The following JAK1 variants were observed in gnomAD, a reference collection of about 807,000 sequenced individuals.
The protein encoded by JAK1 is tyrosine-protein kinase JAK1.
Under a neutral mutation model 136.6 loss-of-function variants are expected in JAK1, and 16 were observed. The observed-to-expected ratio is 0.12, with a 90% CI of 0.08 to 0.18. The LOEUF (loss-of-function observed/expected upper bound fraction) is 0.18. JAK1 is among the 10% of genes least tolerant of loss of function. The pLI, the probability that JAK1 is intolerant of heterozygous loss-of-function variation, is 1.00. For missense variants in JAK1, 859 were observed against 1,450.1 expected, an observed-to-expected ratio of 0.59 and a Z score of 6.62; for synonymous variants, 492 against 519.5, an observed-to-expected ratio of 0.95 and a Z score of 0.72.
intron 1 of JAK1, among the ~76,000 whole-genome samples, chr1:65,062,416 T>C (rs1355705915): frequency 6.6e-6 from 1 of 152,206 alleles, no homozygotes; most frequent in African/African-American, 2.4e-5. Flanking sequence ...TAATCTATGA[T>C]TGCCTTATTA....
chr1:65,017,688 C>G (rs985321172), intron 2 of JAK1, among the ~76,000 whole-genome samples: 4 of 152,062 alleles, frequency 2.6e-5, no homozygotes, highest in African/African-American at 9.7e-5. Flanking sequence ...CTAAAGTGAT[C>G]TAACTATAAA....
At chr1:65,025,852 T>C (rs1208385729) in intron 2 of JAK1, among the ~76,000 whole-genome samples, 1 of 152,044 alleles carries the variant, frequency 6.6e-6, no homozygotes, top group Non-Finnish European at 1.5e-5. Context: ...TAATTTTTTA[T>C]ATTTTTTGTA....
At chr1:65,002,974 G>A (rs1255600401) in intron 2 of JAK1, among the ~76,000 whole-genome samples, 1 of 151,788 alleles carries the variant, frequency 6.6e-6, no homozygotes, top group Non-Finnish European at 1.5e-5. Context: ...GGGCTGTCCG[G>A]CCGCGCCGTC....
At chr1:64,982,510 G>A (rs1336862064) in intron 2 of JAK1, among the ~76,000 whole-genome samples, 1 of 152,154 alleles carries the variant, frequency 6.6e-6, no homozygotes, top group Non-Finnish European at 1.5e-5. Context: ...CAGGTAGGAG[G>A]TAAAAGGGTT....
rs566169611 is a variant in JAK1 at position 64,905,240 on chromosome 1, G to A, written c.-77-18899C>T. On this transcript the variant is annotated intron_variant, in intron 1 of 24. Transcript: ENST00000342505. ...GGAAACCCTGCCTCATCTCCAGTGC[G>A]AGGACGGTGACAGAGAAGGGGCAGA... 3.3e-5 allele frequency among the ~76,000 whole-genome samples: 5 copies of A among 152,268 alleles called. No individual in the cohort carries two copies. In the East Asian group the frequency reaches 5.8e-4, roughly 18 times the overall value.
intron 1 of JAK1, among the ~76,000 whole-genome samples, chr1:64,930,327 C>T (rs1055394101): frequency 6.6e-6 from 1 of 152,194 alleles, no homozygotes; most frequent in African/African-American, 2.4e-5. Context: ...CCCCATCAAA[C>T]AGCGGGCAAA....
chr1:64,871,286 T>C (rs1657058135), intron 5 of JAK1, among the ~76,000 whole-genome samples: 1 of 152,188 alleles, frequency 6.6e-6, no homozygotes, highest in East Asian at 1.9e-4. Flanking sequence ...GATATACTGA[T>C]ACGTGTGTGA....
intron 2 of JAK1, among the ~76,000 whole-genome samples, chr1:64,994,172 C>A (rs567826696): frequency 5.9e-5 from 9 of 152,356 alleles, no homozygotes; most frequent in African/African-American, 2.2e-4. Flanking sequence ...AACTCTTGGG[C>A]TCAAGTAATC....
chr1:64,970,564 T>C (rs1646442425), upstream of JAK1, among the ~76,000 whole-genome samples: 1 of 152,044 alleles, frequency 6.6e-6, no homozygotes, highest in African/African-American at 2.4e-5. Context: ...AAGACAAGCC[T>C]GGCCAACATG....
intron 11 of JAK1, 130 bp from the exon 12 acceptor site, chr1:64,851,040 T>C: frequency 1.5e-6 from 1 of 671,296 alleles, no homozygotes; most frequent in South Asian, 1.7e-5. Flanking sequence ...CGACAAGTGC[T>C]TATTCAATAG....
At chr1:64,974,227 G>C (rs1646478934) in intron 2 of JAK1, 1 of 152,132 alleles carries the variant, frequency 6.6e-6, no homozygotes. Flanking sequence ...CCCAACTTCT[G>C]TAGAACATCA....
chr1:65,022,703 A>G (rs1275312929), intron 2 of JAK1, among the ~76,000 whole-genome samples: 1 of 152,214 alleles, frequency 6.6e-6, no homozygotes, highest in Non-Finnish European at 1.5e-5. Flanking sequence ...TAACATAGTC[A>G]ATAGTGGGTT....
At chr1:64,968,294 GA>G (rs879499140), upstream of JAK1, among the ~76,000 whole-genome samples, 22 of 148,194 alleles carry the variant, frequency 1.5e-4, no homozygotes, top group African/African-American at 3.7e-4. Flanking sequence ...AAGATTCAGA[GA>G]AAAAAAAAAT....
intron 3 of JAK1, among the ~76,000 whole-genome samples, 198 bp from the exon 4 acceptor site, chr1:64,879,346 C>T (rs1045459940): frequency 6.6e-6 from 1 of 152,100 alleles, no homozygotes; most frequent in Non-Finnish European, 1.5e-5. Flanking sequence ...AACTATGACT[C>T]CCCAGAAATA....
chr1:64,834,727 C>A, intron 24 of JAK1, 70 bp from the exon 25 acceptor site: 1 of 981,270 alleles, frequency 1.0e-6, no homozygotes, highest in Admixed American at 2.1e-5. Flanking sequence ...ACAGAAATAT[C>A]AAGAGTAAGA....
intron 1 of JAK1, among the ~76,000 whole-genome samples, chr1:65,052,323 G>A (rs924236098): frequency 2.0e-5 from 3 of 151,942 alleles, no homozygotes; most frequent in Admixed American, 6.6e-5. Context: ...AATACAAAAT[G>A]GACTTTTGGT....
intron 4 of JAK1, among the ~76,000 whole-genome samples, chr1:64,878,471 T>G (rs890747072): frequency 6.6e-6 from 1 of 151,306 alleles, no homozygotes; most frequent in Non-Finnish European, 1.5e-5. Context: ...GAATTTCTAG[T>G]TAACACTTCA....
At chr1:64,835,975 A>G in intron 23 of JAK1, 123 bp downstream of exon 23, 1 of 665,942 alleles carries the variant, frequency 1.5e-6, no homozygotes, top group Non-Finnish European at 2.7e-6. Context: ...TTAATGGGAA[A>G]GTGACATTTT....
intron 2 of JAK1, among the ~76,000 whole-genome samples, chr1:65,013,240 A>G (rs1203899506): frequency 6.6e-6 from 1 of 151,462 alleles, no homozygotes; most frequent in Non-Finnish European, 1.5e-5. Flanking sequence ...TACTAAAAAT[A>G]TAAAAAATTA....
Sources: gnomAD v4.1 joint callset for allele counts (sites outside exome capture counted in the v4.1 genomes callset) on GRCh38, gnomAD v4.1.1 for gene constraint, MANE v1.5 for transcripts, NCBI Gene and HGNC (gene_info 2026-07-23, HGNC 2026-07-21) for gene names.